RARB: variants seen among roughly 807,000 people sequenced by gnomAD.
The protein encoded by RARB is HBV-activated protein.
In RARB, 17 loss-of-function variants were observed where a neutral mutation model predicts 51.9. The ratio of observed to expected loss-of-function variants is 0.33; its 90% CI spans 0.22 to 0.49. The LOEUF (loss-of-function observed/expected upper bound fraction) is 0.49, where lower values mean the gene tolerates loss of function less well. Ranked by LOEUF, RARB falls within the 20% of genes least tolerant of loss-of-function variation. RARB has a pLI of 0.99. For synonymous variants in RARB, 215 were observed against 195.4 expected (o/e 1.10, Z -0.84); for missense variants, 369 against 550.8 (o/e 0.67, Z 3.30).
intron 1 of RARB, among the ~76,000 whole-genome samples, chr3:24,845,563 T>C (rs868674143): frequency 6.6e-6 from 1 of 152,206 alleles, no homozygotes; most frequent in Admixed American, 6.5e-5. Context: ...CCTATGGCCA[T>C]GTTTAACTGT....
intron 2 of RARB, among the ~76,000 whole-genome samples, chr3:24,992,641 A>G (rs1004044053): frequency 6.6e-5 from 10 of 152,196 alleles, no homozygotes; most frequent in African/African-American, 2.4e-4. Flanking sequence ...AAAATCCAGC[A>G]GGAATGGTTT....
chr3:25,259,666 T>C (rs1250041303), intron 5 of RARB, among the ~76,000 whole-genome samples: 1 of 152,176 alleles, frequency 6.6e-6, no homozygotes, highest in Non-Finnish European at 1.5e-5. Context: ...GCAGCTAGTA[T>C]GAGTATAACT....
At chr3:25,310,216 T>C (rs765203909) in intron 5 of RARB, among the ~76,000 whole-genome samples, 47 of 152,178 alleles carry the variant, frequency 3.1e-4, no homozygotes, top group Non-Finnish European at 4.7e-4. Context: ...CTGGGTCTCA[T>C]AGTAAGGTGA....
At chr3:25,169,989 TAAAAAAAAAAAA>T (rs58403240) in intron 4 of RARB, among the ~76,000 whole-genome samples, 5 of 137,462 alleles carry the variant, frequency 3.6e-5, no homozygotes, top group Non-Finnish European at 6.2e-5. Context: ...CCTTATTTCT[TAAAAAAAAAAAA>T]AAAAAAAGAA....
chr3:25,207,206 A>G (rs909369033), intron 5 of RARB, among the ~76,000 whole-genome samples: 13 of 152,138 alleles, frequency 8.5e-5, no homozygotes, highest in African/African-American at 2.4e-4. Context: ...TTGCCTGGAG[A>G]TATAGTTCCA....
chr3:24,848,981 C>G (rs1559370613), intron 1 of RARB, among the ~76,000 whole-genome samples: 2 of 152,186 alleles, frequency 1.3e-5, no homozygotes, highest in Non-Finnish European at 2.9e-5. Flanking sequence ...GCAACATCTA[C>G]CTGTCTGCTT....
intron 5 of RARB, among the ~76,000 whole-genome samples, chr3:25,185,732 T>TA (rs1194424321): frequency 6.6e-6 from 1 of 152,178 alleles, no homozygotes; most frequent in Non-Finnish European, 1.5e-5. Flanking sequence ...CATTGACTTC[T>TA]GTCCTGACTT....
intron 2 of RARB, among the ~76,000 whole-genome samples, chr3:24,971,149 T>C (rs946989600): frequency 1.3e-5 from 2 of 151,994 alleles, no homozygotes; most frequent in Non-Finnish European, 2.9e-5. Flanking sequence ...ATGACATCTA[T>C]TGAAGGGTTA....
intron 4 of RARB, among the ~76,000 whole-genome samples, chr3:25,163,342 A>G (rs1700503577): frequency 6.6e-6 from 1 of 151,694 alleles, no homozygotes; most frequent in African/African-American, 2.4e-5. Context: ...TGTCTCTACA[A>G]AAAAAATAAA....
intron 5 of RARB, among the ~76,000 whole-genome samples, chr3:25,320,327 C>T (rs1026217417): frequency 1.3e-5 from 2 of 152,058 alleles, no homozygotes; most frequent in African/African-American, 4.8e-5. Context: ...GTCTTATCAC[C>T]ACCCCATAAG....
chr3:25,097,902 T>C (rs933698586), intron 3 of RARB, among the ~76,000 whole-genome samples: 6 of 152,184 alleles, frequency 3.9e-5, no homozygotes, highest in African/African-American at 1.2e-4. Context: ...CATGTCAGTA[T>C]TGTATTGGGT....
intron 2 of RARB, among the ~76,000 whole-genome samples, chr3:25,481,277 G>A (rs913027283): frequency 2.0e-5 from 3 of 151,908 alleles, no homozygotes; most frequent in Admixed American, 6.6e-5. Context: ...AGACTGTGTC[G>A]GCCACCACTG....
chr3:25,286,333 C>T (rs1317110628), intron 5 of RARB, among the ~76,000 whole-genome samples: 2 of 152,134 alleles, frequency 1.3e-5, no homozygotes, highest in Admixed American at 1.3e-4. Context: ...CGTGATCCAC[C>T]CGCCTTGGCC....
At chr3:25,179,642 A>T (rs1559494555) in intron 5 of RARB, among the ~76,000 whole-genome samples, 2 of 152,134 alleles carry the variant, frequency 1.3e-5, no homozygotes, top group Non-Finnish European at 1.5e-5. Context: ...TGGCTTAGGG[A>T]GGTCAAAGGC....
chr3:25,275,553 G>A (rs1703360684), intron 5 of RARB, among the ~76,000 whole-genome samples: 1 of 152,188 alleles, frequency 6.6e-6, no homozygotes, highest in African/African-American at 2.4e-5. Flanking sequence ...TAGCCATACG[G>A]CAACCCTTTG....
At chr3:24,831,988 C>T (rs148638990) in intron 1 of RARB, among the ~76,000 whole-genome samples, 2 of 152,098 alleles carry the variant, frequency 1.3e-5, no homozygotes, top group Non-Finnish European at 2.9e-5. Context: ...AAGTTCAAAA[C>T]AAAATTATTT....
At chr3:24,848,512 T>A (rs749414912) in intron 1 of RARB, among the ~76,000 whole-genome samples, 1 of 152,236 alleles carries the variant, frequency 6.6e-6, no homozygotes, top group Non-Finnish European at 1.5e-5. Flanking sequence ...TACTACTTAA[T>A]GCTTTTCCTT....
chr3:25,321,159 T>C (rs1218887006), intron 5 of RARB, among the ~76,000 whole-genome samples: 3 of 152,188 alleles, frequency 2.0e-5, no homozygotes, highest in African/African-American at 7.2e-5. Context: ...ATCAGGGTTT[T>C]CCAGTACAAT....
chr3:25,242,280 A>C (rs150915364), intron 5 of RARB, among the ~76,000 whole-genome samples: 13,230 of 151,820 alleles, frequency 0.087, 755 homozygotes, highest in Non-Finnish European at 0.13. Flanking sequence ...ATGGTAGTTT[A>C]TTTTGCCGTG....
Sources: allele counts gnomAD v4.1 joint callset (sites outside exome capture counted in the v4.1 genomes callset), GRCh38; gene constraint gnomAD v4.1.1; transcripts MANE v1.5; gene names NCBI Gene and HGNC (gene_info 2026-07-23, HGNC 2026-07-21).